Variants in SLC44A5 observed in about 807,000 individuals in gnomAD.
SLC44A5 encodes the protein solute carrier family 44 member 5.
SLC44A5 carries 57 observed loss-of-function variants against 101.8 expected under a neutral mutation model. That is an observed-to-expected ratio of 0.56 (90% confidence interval 0.45 to 0.70). SLC44A5 has a LOEUF of 0.70. SLC44A5 is among the 30% of genes least tolerant of loss of function. The pLI, the probability that SLC44A5 is intolerant of heterozygous loss-of-function variation, is 0.00. For missense variants in SLC44A5, 737 were observed against 853.1 expected, an observed-to-expected ratio of 0.86 and a Z score of 1.70; for synonymous variants, 281 against 290.9, an observed-to-expected ratio of 0.97 and a Z score of 0.35.
chr1:75,719,451 A>G, the SLC44A5 span, among the ~76,000 whole-genome samples: 2 of 152,150 alleles, frequency 1.3e-5, no homozygotes, highest in Non-Finnish European at 2.9e-5. Flanking sequence ...TATCCTTGGT[A>G]GAAATAAGAA....
intron 2 of SLC44A5, among the ~76,000 whole-genome samples, chr1:75,454,944 C>T (rs1342089512): frequency 2.0e-5 from 3 of 152,028 alleles, no homozygotes; most frequent in Non-Finnish European, 2.9e-5. Context: ...TTAAAATGAA[C>T]ATACTGCCCA....
chr1:75,334,760 G>A (rs1337669510), intron 4 of SLC44A5, among the ~76,000 whole-genome samples: 2 of 152,086 alleles, frequency 1.3e-5, no homozygotes, highest in East Asian at 1.9e-4. Flanking sequence ...TTGAAATACT[G>A]ATATATTTCT....
chr1:75,641,436 T>C, the SLC44A5 span: 29 of 1,256,972 alleles, frequency 2.3e-5, no homozygotes, highest in Non-Finnish European at 3.3e-5. Context: ...GCACTACTTC[T>C]ACTGCCAATC....
intron 2 of SLC44A5, among the ~76,000 whole-genome samples, chr1:75,482,663 T>C (rs1426603908): frequency 6.6e-6 from 1 of 152,172 alleles, no homozygotes; most frequent in African/African-American, 2.4e-5. Flanking sequence ...ATACAAATCT[T>C]CTATTTTTTG....
the SLC44A5 span, among the ~76,000 whole-genome samples, chr1:75,692,633 G>A: frequency 1.3e-5 from 2 of 152,156 alleles, no homozygotes; most frequent in Non-Finnish European, 2.9e-5. Flanking sequence ...ATGAGAGCAG[G>A]AGATAGTCCT....
intron 2 of SLC44A5, among the ~76,000 whole-genome samples, chr1:75,495,182 G>T (rs1445977854): frequency 1.3e-5 from 2 of 152,152 alleles, no homozygotes; most frequent in Non-Finnish European, 2.9e-5. Flanking sequence ...TAGGCCAGGC[G>T]CAGTGGCTCA....
At chr1:75,222,531 T>A in intron 13 of SLC44A5, 71 bp from the exon 14 acceptor site, 1 of 888,848 alleles carries the variant, frequency 1.1e-6, no homozygotes, top group Non-Finnish European at 1.8e-6. Flanking sequence ...CTGCAAATGC[T>A]AGGATTGAAC....
At chr1:75,703,950 C>T in the SLC44A5 span, among the ~76,000 whole-genome samples, 36 of 152,030 alleles carry the variant, frequency 2.4e-4, no homozygotes, top group Non-Finnish European at 3.2e-4. Flanking sequence ...CATTTTGGGA[C>T]GCTGAGGCAG....
chr1:75,530,996 G>C (rs1018115820), intron 2 of SLC44A5, among the ~76,000 whole-genome samples: 1 of 152,166 alleles, frequency 6.6e-6, no homozygotes, highest in Non-Finnish European at 1.5e-5. Flanking sequence ...CCTGCCCAGA[G>C]ATTAGAAAAC....
At chr1:75,536,119 TTTAAG>T (rs1401177694) in intron 2 of SLC44A5, among the ~76,000 whole-genome samples, 1 of 151,948 alleles carries the variant, frequency 6.6e-6, no homozygotes, top group African/African-American at 2.4e-5. Context: ...AGAAAATAAG[TTTAAG>T]AGTAGAAAGG....
At chr1:75,587,891 C>T (rs112529360) in intron 1 of SLC44A5, among the ~76,000 whole-genome samples, 2,460 of 152,218 alleles carry the variant, frequency 0.016, 71 homozygotes, top group African/African-American at 0.057. Context: ...GTCTGGCACT[C>T]GCAGGTTCCC....
chr1:75,442,328 C>G (rs752455013), intron 2 of SLC44A5, among the ~76,000 whole-genome samples: 1 of 152,214 alleles, frequency 6.6e-6, no homozygotes. Flanking sequence ...CTACTGCAAT[C>G]GGGCTTTGCG....
At chr1:75,268,961 TG>T (rs1436883383) in intron 6 of SLC44A5, among the ~76,000 whole-genome samples, 1 of 152,146 alleles carries the variant, frequency 6.6e-6, no homozygotes, top group Non-Finnish European at 1.5e-5. Flanking sequence ...TTCCACTAGA[TG>T]AGTTTCTAGG....
intron 1 of SLC44A5, among the ~76,000 whole-genome samples, chr1:75,577,259 G>C (rs1406296542): frequency 6.6e-6 from 1 of 152,202 alleles, no homozygotes; most frequent in Non-Finnish European, 1.5e-5. Context: ...ATAGTAGTTA[G>C]AGGAATCCTG....
intron 1 of SLC44A5, among the ~76,000 whole-genome samples, chr1:75,604,465 CT>C (rs757801933): frequency 2.0e-5 from 3 of 152,006 alleles, no homozygotes; most frequent in Non-Finnish European, 2.9e-5. Flanking sequence ...TGGCTTTGTT[CT>C]TTTTTCTTGG....
intron 3 of SLC44A5, among the ~76,000 whole-genome samples, chr1:75,372,939 A>G (rs1660326093): frequency 6.6e-6 from 1 of 152,210 alleles, no homozygotes; most frequent in African/African-American, 2.4e-5. Context: ...ATAGTTTAAC[A>G]CTGCTATACA....
intron 12 of SLC44A5, among the ~76,000 whole-genome samples, chr1:75,232,383 T>C (rs1647657710): frequency 6.6e-6 from 1 of 152,050 alleles, no homozygotes; most frequent in Admixed American, 6.6e-5. Flanking sequence ...GACTCTCCAG[T>C]GGCAAAGGGC....
chr1:75,460,152 T>G (rs1666417975), intron 2 of SLC44A5, among the ~76,000 whole-genome samples: 1 of 152,214 alleles, frequency 6.6e-6, no homozygotes, highest in Non-Finnish European at 1.5e-5. Context: ...TCCACATGAA[T>G]GAGCTCTGCT....
the SLC44A5 span, among the ~76,000 whole-genome samples, chr1:75,661,387 TAAAAAAAAAAAA>T: frequency 5.6e-5 from 3 of 53,600 alleles, no homozygotes; most frequent in African/African-American, 2.6e-4. Context: ...CTACTGCAAG[TAAAAAAAAAAAA>T]AAAAAAAAAA....
Sources: gnomAD v4.1 joint callset for allele counts (sites outside exome capture counted in the v4.1 genomes callset) on GRCh38, gnomAD v4.1.1 for gene constraint, MANE v1.5 for transcripts, NCBI Gene and HGNC (gene_info 2026-07-23, HGNC 2026-07-21) for gene names.